Variants in ARMC8 observed in about 807,000 individuals in gnomAD.
The protein encoded by ARMC8 is armadillo repeat-containing protein 8.
Under a neutral mutation model 99.3 loss-of-function variants are expected in ARMC8, and 20 were observed. That is an observed-to-expected ratio of 0.20 (90% CI 0.14 to 0.29). The LOEUF (loss-of-function observed/expected upper bound fraction) is 0.29, where lower values mean the gene tolerates loss of function less well. Ranked by LOEUF, ARMC8 falls within the 10% of genes least tolerant of loss-of-function variation. The pLI is 1.00. For missense variants in ARMC8, 569 were observed against 809.5 expected (o/e 0.70, Z 3.60); for synonymous variants, 263 against 278.3 (o/e 0.95, Z 0.55).
At chr3:138,240,917 GTGGGTGCCTGTAAT>G (rs1294384961) in intron 10 of ARMC8, among the ~76,000 whole-genome samples, 13 of 152,194 alleles carry the variant, frequency 8.5e-5, no homozygotes, top group African/African-American at 3.1e-4. Flanking sequence ...AGGAGTGGTG[GTGGGTGCCTGTAAT>G]TCCAGCTACT....
At chr3:138,224,206 C>T (rs1443393264) in intron 5 of ARMC8, among the ~76,000 whole-genome samples, 3 of 151,896 alleles carry the variant, frequency 2.0e-5, no homozygotes, top group Non-Finnish European at 4.4e-5. Flanking sequence ...GATCCACCCG[C>T]CTCGGCCTCC....
intron 1 of ARMC8, among the ~76,000 whole-genome samples, chr3:138,202,926 A>G (rs2044160707): frequency 6.6e-6 from 1 of 152,166 alleles, no homozygotes; most frequent in Non-Finnish European, 1.5e-5. Flanking sequence ...GTTAAATCCT[A>G]TTCATGACAA....
intron 18 of ARMC8, among the ~76,000 whole-genome samples, chr3:138,274,962 T>C (rs1248302239): frequency 1.3e-5 from 2 of 152,176 alleles, no homozygotes. Context: ...CTGGAGATAG[T>C]TTTCATTTCT....
chr3:138,189,905 G>T (rs2043279988), intron 1 of ARMC8, among the ~76,000 whole-genome samples: 1 of 152,104 alleles, frequency 6.6e-6, no homozygotes, highest in Non-Finnish European at 1.5e-5. Flanking sequence ...TTCTGTTAAT[G>T]GTGTTATCTT....
chr3:138,266,236 C>T lies in ARMC8; in HGVS notation c.1300-919C>T, dbSNP rs115869985. On this transcript the variant is annotated intron_variant, in intron 14 of 21. Transcript: ENST00000469044. ...CTCATTCTCTGAGATCCTTTTGCTT[C>T]CTGAACCTCATTAAGAGCCCCAAAT... is the stretch of plus-strand genomic sequence containing the variant. Among the ~76,000 whole-genome samples the T allele has an allele frequency of 4.4e-3, 672 of 152,262 alleles. 2 individuals are homozygous for T. Among genetic ancestry groups the T allele is most frequent in the Non-Finnish European group, 6.7e-3 (459 of 68,020 alleles).
chr3:138,236,138 G>C (rs1411375987), intron 7 of ARMC8, among the ~76,000 whole-genome samples: 1 of 152,088 alleles, frequency 6.6e-6, no homozygotes. Context: ...ATTTCAGGTA[G>C]GGCCTACTAA....
intron 1 of ARMC8, among the ~76,000 whole-genome samples, chr3:138,206,832 A>G (rs1331032830): frequency 6.6e-6 from 1 of 152,222 alleles, no homozygotes; most frequent in East Asian, 1.9e-4. Flanking sequence ...ATACCCCTTC[A>G]GCTTGCTTGC....
chr3:138,232,257 T>C (rs1325249508), intron 6 of ARMC8, among the ~76,000 whole-genome samples: 2 of 152,042 alleles, frequency 1.3e-5, no homozygotes, highest in Non-Finnish European at 2.9e-5. Context: ...ATTACAGACA[T>C]GAGCCACTGC....
intron 12 of ARMC8, among the ~76,000 whole-genome samples, chr3:138,254,660 TG>T (rs1363846220): frequency 6.6e-6 from 1 of 152,226 alleles, no homozygotes; most frequent in African/African-American, 2.4e-5. Flanking sequence ...AAATATTTTT[TG>T]ATAGAAGTAT....
At chr3:138,199,000 A>T (rs2043901069) in intron 1 of ARMC8, among the ~76,000 whole-genome samples, 1 of 152,140 alleles carries the variant, frequency 6.6e-6, no homozygotes, top group Non-Finnish European at 1.5e-5. Flanking sequence ...TGTTTGTGAA[A>T]TTAAAGTAGA....
intron 21 of ARMC8, 113 bp downstream of exon 21, chr3:138,290,752 A>G: frequency 1.4e-6 from 1 of 712,432 alleles, no homozygotes; most frequent in Non-Finnish European, 2.3e-6. Context: ...TTAGATTCTT[A>G]GATTTTCTTC....
At chr3:138,235,266 G>T in intron 7 of ARMC8, 152 bp downstream of exon 7, 5 of 516,196 alleles carry the variant, frequency 9.7e-6, no homozygotes, top group South Asian at 3.2e-5. Context: ...GCTATAGAAT[G>T]CTCTTTAAAA....
At chr3:138,263,937 G>A in intron 13 of ARMC8, 116 bp downstream of exon 13, 1 of 1,094,188 alleles carries the variant, frequency 9.1e-7, no homozygotes, top group Admixed American at 1.8e-5. Context: ...ATCTGCTCAG[G>A]TGAATTCATA....
intron 10 of ARMC8, among the ~76,000 whole-genome samples, chr3:138,241,325 C>T (rs1035927284): frequency 1.3e-5 from 2 of 152,052 alleles, no homozygotes; most frequent in African/African-American, 2.4e-5. Flanking sequence ...GTATGACTCC[C>T]CAAACCAAAA....
chr3:138,201,649 C>T (rs1268417936), intron 1 of ARMC8, among the ~76,000 whole-genome samples: 4 of 151,610 alleles, frequency 2.6e-5, no homozygotes, highest in African/African-American at 7.3e-5. Flanking sequence ...TTAGTAGAGA[C>T]GGTGTTTCAC....
intron 1 of ARMC8, among the ~76,000 whole-genome samples, chr3:138,196,933 A>G (rs1413461214): frequency 6.6e-6 from 1 of 152,212 alleles, no homozygotes; most frequent in Non-Finnish European, 1.5e-5. Context: ...GCAATAAGGT[A>G]TTAAAACTCA....
intron 1 of ARMC8, among the ~76,000 whole-genome samples, chr3:138,203,865 A>T (rs906752281): frequency 2.0e-5 from 3 of 152,202 alleles, no homozygotes; most frequent in Non-Finnish European, 2.9e-5. Context: ...TCTCTTATTC[A>T]TGGCTGCTTC....
Position 138,237,493 on chromosome 3 carries a change from G to A in ARMC8, c.697G>A (p.Gly233Arg). 1 of 1,613,852 alleles carries A rather than the reference G, an allele frequency of 6.2e-7. No homozygotes were observed. Among genetic ancestry groups the A allele is most frequent in the Non-Finnish European group, 8.5e-7 (1 of 1,179,828 alleles). ...SMTLVNVLVD[G>R]ELLPQIFVKM... ...TGTTTTATTTCTAGTTTTGGTTGATGGAGAATTGTTACCACAGATTTTTGT... is the reference window on the plus strand; with the variant it reads ...TGTTTTATTTCTAGTTTTGGTTGATAGAGAATTGTTACCACAGATTTTTGT... Residue 233 changes from glycine to arginine, a missense_variant, in exon 9 of 22, where the codon GGA becomes AGA. By Grantham distance (125) the Gly-to-Arg change is moderately radical (BLOSUM62 -2). Transcript: ENST00000469044.
At chr3:138,288,984 CA>C (rs891398550) in intron 19 of ARMC8, 63 bp from the exon 20 acceptor site, 575 of 1,348,658 alleles carry the variant, frequency 4.3e-4, no homozygotes, top group South Asian at 6.5e-4. Flanking sequence ...TAGGTCCCCC[CA>C]AAAAAAAATC....
Sources: allele counts gnomAD v4.1 joint callset (sites outside exome capture counted in the v4.1 genomes callset), GRCh38; gene constraint gnomAD v4.1.1; transcripts MANE v1.5; gene names NCBI Gene and HGNC (gene_info 2026-07-23, HGNC 2026-07-21).